Variants in TENM3 observed in about 807,000 individuals in gnomAD.
TENM3 encodes the protein teneurin-3.
A neutral mutation model predicts 255.1 loss-of-function variants in TENM3; 63 were observed. The observed-to-expected ratio is 0.25, with a 90% CI of 0.20 to 0.30. TENM3 has a LOEUF of 0.30. TENM3 is among the 10% of genes least tolerant of loss of function. The pLI is 1.00. For missense variants in TENM3, 2,929 were observed against 3,461.1 expected (o/e 0.85, Z 3.86); for synonymous variants, 1,306 against 1,322.3 (o/e 0.99, Z 0.27).
Position 182,321,956 on chromosome 4 carries a change from T to TA in TENM3, c.-75-1988dup, listed in dbSNP as rs937369700. The stretch of plus-strand genomic sequence containing the variant: ...CGAGATTCCGTCTAAAAAATAATAA[T>TA]AATAAATAAATAAATAATACTTCTC... On this transcript the variant is annotated intron_variant, in intron 1 of 27. Coordinates refer to ENST00000511685, the MANE Select transcript of TENM3 (RefSeq NM_001080477.4). 1.8e-4 allele frequency among the ~76,000 whole-genome samples: 27 copies of TA among 152,022 alleles called. 1 individual carries two copies. The highest frequency in any genetic ancestry group is 1.0e-3 in the South Asian group (5 of 4,808).
At chr4:182,162,940 C>G (rs944744466) in intron 1 of TENM3, among the ~76,000 whole-genome samples, 1 of 152,128 alleles carries the variant, frequency 6.6e-6, no homozygotes, top group African/African-American at 2.4e-5. Flanking sequence ...CACAAATAAT[C>G]AAAGCATAGC....
the TENM3 span, among the ~76,000 whole-genome samples, chr4:181,624,057 G>A: frequency 6.6e-6 from 1 of 152,152 alleles, no homozygotes; most frequent in Non-Finnish European, 1.5e-5. Context: ...GTTGGGTGTG[G>A]GAGGAGAACT....
chr4:181,765,607 AC>A, the TENM3 span, among the ~76,000 whole-genome samples: 2 of 152,170 alleles, frequency 1.3e-5, no homozygotes, highest in African/African-American at 4.8e-5. Flanking sequence ...TGGGGAAAAA[AC>A]AGCTACTTTC....
chr4:181,523,715 T>C, the TENM3 span, among the ~76,000 whole-genome samples: 1 of 152,182 alleles, frequency 6.6e-6, no homozygotes, highest in African/African-American at 2.4e-5. Context: ...AAGCAAGCTC[T>C]AACCAAGAGG....
At chr4:182,684,678 A>G (rs1196677497) in intron 11 of TENM3, among the ~76,000 whole-genome samples, 5 of 152,158 alleles carry the variant, frequency 3.3e-5, no homozygotes, top group Non-Finnish European at 7.4e-5. Flanking sequence ...GGGTGGTGGT[A>G]GTAGTTACTA....
At chr4:181,492,447 A>G in the TENM3 span, among the ~76,000 whole-genome samples, 1 of 152,222 alleles carries the variant, frequency 6.6e-6, no homozygotes, top group African/African-American at 2.4e-5. Context: ...TAATTATTTC[A>G]GTAATAAGCA....
intron 12 of TENM3, among the ~76,000 whole-genome samples, chr4:182,695,451 G>A (rs967250651): frequency 6.6e-6 from 1 of 152,236 alleles, no homozygotes; most frequent in African/African-American, 2.4e-5. Context: ...GTGGCATTGG[G>A]GTGGCTGTGG....
intron 3 of TENM3, among the ~76,000 whole-genome samples, chr4:182,424,597 C>T (rs568285012): frequency 1.3e-5 from 2 of 152,138 alleles, no homozygotes; most frequent in African/African-American, 2.4e-5. Context: ...TTTGCATCAA[C>T]CTTGCCACCA....
the TENM3 span, among the ~76,000 whole-genome samples, chr4:181,992,460 GA>G: frequency 6.6e-6 from 1 of 152,060 alleles, no homozygotes; most frequent in Non-Finnish European, 1.5e-5. Context: ...AGTGGCACTA[GA>G]AGAATTACTA....
the TENM3 span, among the ~76,000 whole-genome samples, chr4:181,637,348 C>T: frequency 6.6e-6 from 1 of 152,186 alleles, no homozygotes; most frequent in African/African-American, 2.4e-5. Flanking sequence ...TTTGGCTCCC[C>T]CAGCAACTCC....
At position 182,792,947 on chromosome 4, in the gene TENM3, A is replaced by G. The variant is rs1561262048; in HGVS notation, c.6275A>G (p.Tyr2092Cys). ...CATGGCCGTATCAAGGAGATTCAAT[A>G]TGAGATATTCAGGTCGCTCATGTAC... ...DAHGRIKEIQ[Y>C]EIFRSLMYWI... The change falls in exon 26 of 28, where the codon TAT (tyrosine) becomes TGT (cysteine). Residue 2092 changes from tyrosine (Y) to cysteine (C), a missense_variant. Coordinates refer to ENST00000511685, the MANE Select transcript of TENM3 (RefSeq NM_001080477.4). This position sits in a 1 kb window ranked among gnomAD's most constrained non-coding sequence, Gnocchi z 6.3. 1.9e-6 allele frequency: 3 copies of G among 1,613,880 alleles called. No homozygotes were observed. Among genetic ancestry groups the G allele is most frequent in the Non-Finnish European group, 2.5e-6 (3 of 1,179,822 alleles).
the TENM3 span, among the ~76,000 whole-genome samples, chr4:181,568,414 A>G: frequency 2.6e-5 from 4 of 152,034 alleles, no homozygotes; most frequent in African/African-American, 7.2e-5. Flanking sequence ...CTGGTCTGGA[A>G]TTCCTGACCT....
At chr4:182,212,234 C>G (rs1408151153) in intron 1 of TENM3, among the ~76,000 whole-genome samples, 1 of 152,176 alleles carries the variant, frequency 6.6e-6, no homozygotes, top group Non-Finnish European at 1.5e-5. Flanking sequence ...TCCCTGGGAG[C>G]TTGCTGTGAT....
the TENM3 span, among the ~76,000 whole-genome samples, chr4:181,905,547 T>G: frequency 6.6e-6 from 1 of 152,084 alleles, no homozygotes; most frequent in Non-Finnish European, 1.5e-5. Flanking sequence ...TTTTTTTTTT[T>G]TTTCTGGCTT....
chr4:182,472,209 CATG>C, intron 3 of TENM3, among the ~76,000 whole-genome samples: 1 of 152,192 alleles, frequency 6.6e-6, no homozygotes. Flanking sequence ...ATATTTCTTT[CATG>C]ATTAGCAAGA....
the TENM3 span, among the ~76,000 whole-genome samples, chr4:181,795,341 T>G: frequency 6.6e-6 from 1 of 152,118 alleles, no homozygotes; most frequent in African/African-American, 2.4e-5. Context: ...TATACTAACA[T>G]GACAGAGACA....
chr4:182,310,407 C>T (rs986325277), intron 1 of TENM3, among the ~76,000 whole-genome samples: 3 of 152,208 alleles, frequency 2.0e-5, no homozygotes, highest in African/African-American at 4.8e-5. Flanking sequence ...GCTTCTTCTA[C>T]GTAGACGTCA....
chr4:182,452,808 C>T (rs1773575982), intron 3 of TENM3, among the ~76,000 whole-genome samples: 1 of 152,066 alleles, frequency 6.6e-6, no homozygotes, highest in Non-Finnish European at 1.5e-5. Context: ...ATAGTTCTAG[C>T]AATAGATAAT....
At chr4:182,761,278 G>A (rs528284846) in intron 22 of TENM3, among the ~76,000 whole-genome samples, 207 of 152,174 alleles carry the variant, frequency 1.4e-3, no homozygotes, top group African/African-American at 4.7e-3. Flanking sequence ...AATTAGCCGG[G>A]CGTGGTGGCA....
Sources: gnomAD v4.1 joint callset for allele counts (sites outside exome capture counted in the v4.1 genomes callset) on GRCh38, gnomAD v4.1.1 for gene constraint, Gnocchi (gnomAD v3.1) non-coding constraint, MANE v1.5 for transcripts, NCBI Gene and HGNC (gene_info 2026-07-23, HGNC 2026-07-21) for gene names.